The following EXOC2 variants were observed in gnomAD, a reference collection of about 807,000 sequenced individuals.
The protein encoded by EXOC2 is exocyst complex component 2.
A neutral mutation model predicts 131.8 loss-of-function variants in EXOC2; 70 were observed. The observed-to-expected ratio is 0.53, with a 90% CI of 0.44 to 0.65. The LOEUF is 0.65. Ranked by LOEUF, EXOC2 falls within the 30% of genes least tolerant of loss-of-function variation. The pLI, the probability that EXOC2 is intolerant of heterozygous loss-of-function variation, is 0.00. For missense variants in EXOC2, 923 were observed against 1,108.6 expected, an observed-to-expected ratio of 0.83 and a Z score of 2.38; for synonymous variants, 411 against 398.4, an observed-to-expected ratio of 1.03 and a Z score of -0.38.
At position 632,960 on chromosome 6, in the gene EXOC2, T is replaced by C. The variant is rs370075088; in HGVS notation, c.276A>G (p.Leu92=). ...CTTTACCTATTTTCTCAGGTTTGAGTAGCTTGAAAGAGACTGTTGAGGTTC... is the reference window on the plus strand; with the variant it reads ...CTTTACCTATTTTCTCAGGTTTGAGCAGCTTGAAAGAGACTGTTGAGGTTC... ...GRGTSTVSFK[L]LKPEKIGILD... is the part of the protein sequence containing the mutation. The change falls in exon 3 of 28, where the codon CTA becomes CTG. Residue 92 remains leucine, a synonymous_variant. Coordinates refer to ENST00000230449, the MANE Select transcript of EXOC2 (RefSeq NM_018303.6). 3 of 1,612,152 alleles carry C rather than the reference T, an allele frequency of 1.9e-6. No individual in the cohort carries two copies. Among genetic ancestry groups the C allele is most frequent in the African/African-American group, 2.7e-5 (2 of 74,804 alleles).
chr6:685,869 C>CTTTTTTTTTTTTTTTTTTTT lies in EXOC2; in HGVS notation c.-44+7130_-44+7149dup, dbSNP rs58892194. On this transcript the variant is annotated intron_variant, in intron 1 of 27. Transcript: ENST00000230449. ...TAATGTATCCTGCTTTCCTGGACCT[C>CTTTTTTTTTTTTTTTTTTTT]TTTTTTTTTTTTTTTTTTTTTTTTG... Among the ~76,000 whole-genome samples the CTTTTTTTTTTTTTTTTTTTT allele has an allele frequency of 8.1e-5, 8 of 98,240 alleles. 1 individual carries two copies. Among genetic ancestry groups the CTTTTTTTTTTTTTTTTTTTT allele is most frequent in the East Asian group, 2.8e-4 (1 of 3,636 alleles). 64.4% of individuals were successfully genotyped at this position (98,240 alleles called of 152,430 possible). A position where few individuals can be genotyped will look rare whatever the true frequency, so the allele number is the denominator to read the frequency against.
At chr6:689,405 C>T (rs1562019480) in intron 1 of EXOC2, among the ~76,000 whole-genome samples, 1 of 152,204 alleles carries the variant, frequency 6.6e-6, no homozygotes, top group Non-Finnish European at 1.5e-5. Context: ...AAATCAGTTC[C>T]AAACTCTTCT....
At chr6:580,039 G>GTT (rs1215297669) in intron 11 of EXOC2, among the ~76,000 whole-genome samples, 2 of 85,482 alleles carry the variant, frequency 2.3e-5, no homozygotes, top group South Asian at 3.8e-4. Flanking sequence ...GCCGGGTGCA[G>GTT]TTTTTTTTGT....
intron 1 of EXOC2, among the ~76,000 whole-genome samples, chr6:682,268 G>A (rs1011581487): frequency 4.2e-4 from 62 of 148,042 alleles, no homozygotes; most frequent in Non-Finnish European, 7.1e-4. Context: ...GGCAGGATCT[G>A]GGGTCACTGC....
At chr6:569,354 AT>A (rs1758144797) in intron 13 of EXOC2, among the ~76,000 whole-genome samples, 1 of 152,322 alleles carries the variant, frequency 6.6e-6, no homozygotes, top group South Asian at 2.1e-4. Context: ...TTTGATTCAC[AT>A]TTGTTATTTC....
chr6:509,166 C>A (rs563347765), intron 23 of EXOC2, among the ~76,000 whole-genome samples: 1 of 152,346 alleles, frequency 6.6e-6, no homozygotes, highest in South Asian at 2.1e-4. Flanking sequence ...TTTTTGATGG[C>A]TGCTTAGTAT....
chr6:606,707 C>T (rs951306191), intron 7 of EXOC2, among the ~76,000 whole-genome samples: 13 of 152,202 alleles, frequency 8.5e-5, no homozygotes, highest in African/African-American at 3.1e-4. Context: ...ACATCTCATG[C>T]TTTTCTTCAC....
intron 1 of EXOC2, among the ~76,000 whole-genome samples, chr6:682,735 G>A (rs1327643992): frequency 6.6e-6 from 1 of 152,178 alleles, no homozygotes; most frequent in Non-Finnish European, 1.5e-5. Context: ...GATGCAGAAA[G>A]TGGGAAAGGA....
intron 23 of EXOC2, among the ~76,000 whole-genome samples, chr6:510,868 A>C (rs1417647801): frequency 6.6e-6 from 1 of 152,254 alleles, no homozygotes. Context: ...TAGAAAAGTG[A>C]AAGTGACAAG....
chr6:514,945 A>G (rs972596451), intron 23 of EXOC2, among the ~76,000 whole-genome samples: 1 of 152,242 alleles, frequency 6.6e-6, no homozygotes, highest in Non-Finnish European at 1.5e-5. Flanking sequence ...CGGCGCATGC[A>G]AACAGCTTAA....
chr6:530,579 C>T (rs1766018207), intron 23 of EXOC2, among the ~76,000 whole-genome samples: 1 of 152,190 alleles, frequency 6.6e-6, no homozygotes, highest in Non-Finnish European at 1.5e-5. Context: ...GACACAGGGC[C>T]CGGAAGGGCA....
At chr6:597,139 C>T (rs146433887) in intron 10 of EXOC2, among the ~76,000 whole-genome samples, 149 of 152,244 alleles carry the variant, frequency 9.8e-4, no homozygotes, top group African/African-American at 3.3e-3. Flanking sequence ...AAGGCCTTCT[C>T]TTCATATCCT....
At chr6:573,585 T>C (rs1021719462) in intron 12 of EXOC2, among the ~76,000 whole-genome samples, 2 of 152,062 alleles carry the variant, frequency 1.3e-5, no homozygotes, top group African/African-American at 2.4e-5. Context: ...TAGCTTCCTT[T>C]CCAAATACCC....
intron 11 of EXOC2, among the ~76,000 whole-genome samples, chr6:591,959 A>T (rs369487007): frequency 1.1e-4 from 16 of 152,272 alleles, no homozygotes; most frequent in East Asian, 9.7e-4. Flanking sequence ...ACATTCCCAC[A>T]CCAGCCATCT....
At position 632,925 on chromosome 6, in the gene EXOC2, C is replaced by T. The variant is rs750531005; in HGVS notation, c.295+16G>A. ...TTTTACTTTCTTCTTTAGAATAAAC[C>T]CATGAAAGACTTTACCTATTTTCTC... On this transcript the variant is annotated intron_variant, in intron 3 of 27. Coordinates refer to ENST00000230449, the MANE Select transcript of EXOC2 (RefSeq NM_018303.6). The T allele has an allele frequency of 6.3e-7, 1 of 1,594,488 alleles. No homozygotes were observed. Among genetic ancestry groups the T allele is most frequent in the East Asian group, 2.2e-5 (1 of 44,560 alleles).
chr6:551,733 C>A (rs561994374), intron 21 of EXOC2, among the ~76,000 whole-genome samples: 1 of 152,310 alleles, frequency 6.6e-6, no homozygotes, highest in African/African-American at 2.4e-5. Flanking sequence ...CCTAGCCTGC[C>A]GCATTTCCAT....
At chr6:600,692 TAAAA>T (rs937560176) in intron 7 of EXOC2, among the ~76,000 whole-genome samples, 1 of 152,066 alleles carries the variant, frequency 6.6e-6, no homozygotes, top group African/African-American at 2.4e-5. Context: ...TTAACTTCTC[TAAAA>T]AGTATGAAAA....
At chr6:517,067 G>A (rs1175323579) in intron 23 of EXOC2, among the ~76,000 whole-genome samples, 3 of 152,210 alleles carry the variant, frequency 2.0e-5, no homozygotes, top group South Asian at 2.1e-4. Flanking sequence ...CCGCCCAGCT[G>A]TAGAACTGAC....
intron 3 of EXOC2, among the ~76,000 whole-genome samples, chr6:632,211 T>C (rs1233141043): frequency 1.3e-5 from 2 of 152,234 alleles, no homozygotes; most frequent in African/African-American, 4.8e-5. Flanking sequence ...TTTACATTTA[T>C]GTTCTAACTC....
Sources: allele counts gnomAD v4.1 joint callset (sites outside exome capture counted in the v4.1 genomes callset), GRCh38; gene constraint gnomAD v4.1.1; transcripts MANE v1.5; gene names NCBI Gene and HGNC (gene_info 2026-07-23, HGNC 2026-07-21).